The following ARHGAP15 variants were observed in gnomAD, a reference collection of about 807,000 sequenced individuals.
The protein encoded by ARHGAP15 is rho GTPase-activating protein 15.
Under a neutral mutation model 63.7 loss-of-function variants are expected in ARHGAP15, and 51 were observed. The observed-to-expected ratio is 0.80, with a 90% confidence interval of 0.64 to 1.01. The LOEUF (loss-of-function observed/expected upper bound fraction) is 1.01. ARHGAP15 is among the 50% of genes least tolerant of loss of function. The probability of loss-of-function intolerance (pLI) is 0.00; values close to 1 mark genes in which losing one functional copy is unlikely to be tolerated. For missense variants in ARHGAP15, 560 were observed against 564.6 expected, an observed-to-expected ratio of 0.99 and a Z score of 0.08; for synonymous variants, 191 against 193.8, an observed-to-expected ratio of 0.99 and a Z score of 0.12.
chr2:143,172,233 C>T (rs534167543), intron 2 of ARHGAP15: 3 of 152,210 alleles, frequency 2.0e-5, no homozygotes, highest in South Asian at 2.1e-4. Context: ...CAGGACACTT[C>T]GCTGCTGCAA....
At chr2:143,656,481 G>A (rs1022270332) in intron 12 of ARHGAP15, among the ~76,000 whole-genome samples, 1 of 152,202 alleles carries the variant, frequency 6.6e-6, no homozygotes, top group Non-Finnish European at 1.5e-5. Context: ...CAATTTGATT[G>A]TGTTTTTAAA....
At chr2:143,293,255 C>T (rs1011906182) in intron 6 of ARHGAP15, among the ~76,000 whole-genome samples, 9 of 152,000 alleles carry the variant, frequency 5.9e-5, no homozygotes, top group East Asian at 1.9e-4. Flanking sequence ...ATTTATTCAT[C>T]GAGTAATGCT....
At chr2:143,542,451 C>G (rs1003713758) in intron 10 of ARHGAP15, among the ~76,000 whole-genome samples, 1 of 151,960 alleles carries the variant, frequency 6.6e-6, no homozygotes, top group Non-Finnish European at 1.5e-5. Context: ...GCAGAAATCA[C>G]CCATCTTCTG....
chr2:143,346,244 A>ACACACT (rs1553467332), intron 6 of ARHGAP15, among the ~76,000 whole-genome samples: 1 of 143,938 alleles, frequency 6.9e-6, no homozygotes, highest in African/African-American at 2.7e-5. Context: ...TCTCACACAC[A>ACACACT]CACACTCACA....
intron 6 of ARHGAP15, among the ~76,000 whole-genome samples, chr2:143,387,162 A>G (rs1687321996): frequency 6.6e-6 from 1 of 152,218 alleles, no homozygotes; most frequent in Non-Finnish European, 1.5e-5. Flanking sequence ...TAAAAGTTAA[A>G]AAAATCATTA....
At chr2:143,358,091 G>C (rs1319299798) in intron 6 of ARHGAP15, among the ~76,000 whole-genome samples, 2 of 152,206 alleles carry the variant, frequency 1.3e-5, no homozygotes, top group African/African-American at 4.8e-5. Context: ...AGGTTGGAAA[G>C]GGCTGGCTGC....
chr2:143,371,523 C>T (rs1485240572), intron 6 of ARHGAP15, among the ~76,000 whole-genome samples: 1 of 152,164 alleles, frequency 6.6e-6, no homozygotes, highest in African/African-American at 2.4e-5. Flanking sequence ...ACCCCCAACA[C>T]AAATATGACA....
chr2:143,429,703 G>A (rs892090551), intron 6 of ARHGAP15, among the ~76,000 whole-genome samples: 11 of 152,056 alleles, frequency 7.2e-5, no homozygotes, highest in African/African-American at 2.7e-4. Flanking sequence ...TCCATTGGTG[G>A]CCTGGCTTAT....
At chr2:143,237,988 A>G (rs1693720581) in intron 5 of ARHGAP15, 1 of 152,254 alleles carries the variant, frequency 6.6e-6, no homozygotes, top group Admixed American at 6.5e-5. Flanking sequence ...TCTTTAATCC[A>G]TCTTGAGTTA....
At chr2:143,494,328 A>G (rs567388508) in intron 9 of ARHGAP15, among the ~76,000 whole-genome samples, 1 of 152,010 alleles carries the variant, frequency 6.6e-6, no homozygotes, top group South Asian at 2.1e-4. Flanking sequence ...CATGTTTTCA[A>G]TTTTCTAGAT....
At chr2:143,597,507 G>A (rs1026942876) in intron 11 of ARHGAP15, among the ~76,000 whole-genome samples, 5 of 152,040 alleles carry the variant, frequency 3.3e-5, no homozygotes, top group African/African-American at 1.2e-4. Context: ...TCGCCAGCTT[G>A]ATGGAGTGAG....
intron 8 of ARHGAP15, among the ~76,000 whole-genome samples, chr2:143,481,539 A>G (rs1692080782): frequency 6.6e-6 from 1 of 152,178 alleles, no homozygotes; most frequent in Non-Finnish European, 1.5e-5. Flanking sequence ...ATTTTGGATC[A>G]TATTATCCAA....
At chr2:143,616,334 T>C (rs1213287833) in intron 11 of ARHGAP15, among the ~76,000 whole-genome samples, 2 of 152,200 alleles carry the variant, frequency 1.3e-5, no homozygotes, top group Non-Finnish European at 2.9e-5. Context: ...AAATGAAATC[T>C]GAGGAGAAAT....
At chr2:143,751,649 G>T (rs1686379186) in intron 13 of ARHGAP15, among the ~76,000 whole-genome samples, 1 of 152,048 alleles carries the variant, frequency 6.6e-6, no homozygotes. Flanking sequence ...CTCAACAATG[G>T]CGTCTGCTGG....
chr2:143,166,014 GAAAA>G (rs889871028), intron 2 of ARHGAP15, among the ~76,000 whole-genome samples: 1 of 136,782 alleles, frequency 7.3e-6, no homozygotes, highest in African/African-American at 2.7e-5. Context: ...AGGAAGGAAG[GAAAA>G]AAAGAAAGAA....
intron 6 of ARHGAP15, among the ~76,000 whole-genome samples, chr2:143,273,948 A>T (rs1385437950): frequency 6.6e-6 from 1 of 151,976 alleles, no homozygotes; most frequent in South Asian, 2.1e-4. Flanking sequence ...AATTCTAACA[A>T]CTCTTCTGTT....
At chr2:143,669,971 C>T (rs1211294294) in intron 12 of ARHGAP15, among the ~76,000 whole-genome samples, 1 of 152,156 alleles carries the variant, frequency 6.6e-6, no homozygotes, top group Non-Finnish European at 1.5e-5. Flanking sequence ...GGGTAGCATC[C>T]TGTTCAAGCT....
chr2:143,320,044 G>C (rs1683934730), intron 6 of ARHGAP15, among the ~76,000 whole-genome samples: 1 of 152,164 alleles, frequency 6.6e-6, no homozygotes, highest in South Asian at 2.1e-4. Flanking sequence ...TTGTAAGTGT[G>C]TGTGTCTGTG....
chr2:143,204,140 T>C (rs1376230360), intron 3 of ARHGAP15, among the ~76,000 whole-genome samples: 1 of 152,124 alleles, frequency 6.6e-6, no homozygotes, highest in East Asian at 1.9e-4. Context: ...AATCAGTTCA[T>C]TTCTCACCAC....
Sources: allele counts gnomAD v4.1 joint callset (sites outside exome capture counted in the v4.1 genomes callset), GRCh38; gene constraint gnomAD v4.1.1; transcripts MANE v1.5; gene names NCBI Gene and HGNC (gene_info 2026-07-23, HGNC 2026-07-21).